The following C12orf56 variants were observed in gnomAD, a reference collection of about 807,000 sequenced individuals.
The protein encoded by C12orf56 is uncharacterized protein C12orf56.
C12orf56 carries 71 observed loss-of-function variants against 69.9 expected under a neutral mutation model. That is an observed-to-expected ratio of 1.02 (90% CI 0.84 to 1.24). C12orf56 has a LOEUF of 1.24. Among genes scored for constraint, C12orf56 ranks in the 50% most tolerant of loss-of-function variants. C12orf56 has a pLI of 0.00. For missense variants in C12orf56, 732 were observed against 738.5 expected (o/e 0.99, Z 0.10); for synonymous variants, 276 against 274.1 (o/e 1.01, Z -0.07).
At chr12:64,385,432 G>A (rs1172024755) in intron 1 of C12orf56, among the ~76,000 whole-genome samples, 1 of 152,052 alleles carries the variant, frequency 6.6e-6, no homozygotes, top group Non-Finnish European at 1.5e-5. Context: ...TTTCCCCTGA[G>A]ATAAATGTGA....
intron 4 of C12orf56, among the ~76,000 whole-genome samples, chr12:64,313,958 G>T (rs539632622): frequency 2.7e-4 from 39 of 146,000 alleles, no homozygotes; most frequent in African/African-American, 9.0e-4. Context: ...CAGGAGAATC[G>T]CTTGAACCTG....
chr12:64,277,382 A>G (rs2038065302), intron 9 of C12orf56, among the ~76,000 whole-genome samples: 1 of 152,150 alleles, frequency 6.6e-6, no homozygotes. Flanking sequence ...ACATAAACAG[A>G]TTTATCAAAT....
chr12:64,306,930 G>GA (rs1319800956), intron 5 of C12orf56, among the ~76,000 whole-genome samples: 10 of 152,096 alleles, frequency 6.6e-5, no homozygotes, highest in African/African-American at 2.4e-4. Context: ...GCTATTTCTT[G>GA]TGTATCACTG....
chr12:64,286,658 T>A (rs992531711), intron 6 of C12orf56, among the ~76,000 whole-genome samples: 13 of 152,222 alleles, frequency 8.5e-5, no homozygotes, highest in African/African-American at 3.1e-4. Context: ...AAATCAAGCA[T>A]GAAAATAAGC....
intron 1 of C12orf56, among the ~76,000 whole-genome samples, chr12:64,361,104 A>G (rs1003723839): frequency 5.3e-5 from 8 of 152,178 alleles, no homozygotes; most frequent in African/African-American, 1.9e-4. Flanking sequence ...CTGTAATCCC[A>G]TCTACTCAGG....
chr12:64,386,899 C>T (rs12372051), intron 1 of C12orf56, among the ~76,000 whole-genome samples: 5 of 139,124 alleles, frequency 3.6e-5, no homozygotes, highest in Non-Finnish European at 8.1e-5. Context: ...ACCAACATGG[C>T]GACACCCTGT....
chr12:64,346,678 C>A (rs934294067), intron 2 of C12orf56, among the ~76,000 whole-genome samples: 1 of 152,108 alleles, frequency 6.6e-6, no homozygotes, highest in Non-Finnish European at 1.5e-5. Flanking sequence ...AGTTCTAACT[C>A]TCTAATCACA....
intron 2 of C12orf56, among the ~76,000 whole-genome samples, chr12:64,342,435 G>A (rs2136886491): frequency 1.3e-5 from 2 of 152,314 alleles, no homozygotes; most frequent in East Asian, 3.9e-4. Flanking sequence ...CTGTGAACCA[G>A]GCCCTAGTCT....
intron 1 of C12orf56, among the ~76,000 whole-genome samples, chr12:64,358,890 T>C (rs1243188792): frequency 1.3e-5 from 2 of 152,162 alleles, no homozygotes; most frequent in Non-Finnish European, 2.9e-5. Context: ...CAACTTGGAC[T>C]TAAGTAAAGA....
chr12:64,373,323 G>T (rs1166337160), intron 1 of C12orf56, among the ~76,000 whole-genome samples: 1 of 152,104 alleles, frequency 6.6e-6, no homozygotes, highest in Non-Finnish European at 1.5e-5. Flanking sequence ...GGGTGTGGTG[G>T]CATGTACTTG....
intron 7 of C12orf56, 40 bp downstream of exon 7, chr12:64,285,914 C>CA (rs749297880): frequency 0.076 from 75,888 of 1,001,304 alleles, 4 homozygotes; most frequent in Non-Finnish European, 0.082. Context: ...AACACCCTAG[C>CA]AAAAAAAAAA....
At chr12:64,359,798 C>T (rs957071463) in intron 1 of C12orf56, among the ~76,000 whole-genome samples, 4 of 152,092 alleles carry the variant, frequency 2.6e-5, no homozygotes, top group Non-Finnish European at 5.9e-5. Flanking sequence ...ACTGCAACCT[C>T]CTCTTCCTGG....
intron 4 of C12orf56, 68 bp from the exon 5 acceptor site, chr12:64,312,820 G>T: frequency 1.7e-6 from 2 of 1,148,578 alleles, no homozygotes; most frequent in Non-Finnish European, 2.5e-6. Flanking sequence ...CCTACCTTTA[G>T]TCAATGTTAT....
chr12:64,309,245 T>C (rs2038574725), intron 5 of C12orf56, among the ~76,000 whole-genome samples: 1 of 152,212 alleles, frequency 6.6e-6, no homozygotes, highest in Non-Finnish European at 1.5e-5. Flanking sequence ...AACTTTTTCA[T>C]CTTTCCAAAC....
At chr12:64,310,861 C>T (rs1178555622) in intron 5 of C12orf56, among the ~76,000 whole-genome samples, 1 of 151,858 alleles carries the variant, frequency 6.6e-6, no homozygotes, top group East Asian at 1.9e-4. Context: ...AATGCTATCC[C>T]TCCCCCCTTC....
intron 2 of C12orf56, among the ~76,000 whole-genome samples, chr12:64,347,911 A>G (rs73311870): frequency 0.015 from 2,335 of 152,314 alleles, 60 homozygotes; most frequent in African/African-American, 0.053. Flanking sequence ...AAATTTGAAC[A>G]AGTTGTGGAA....
intron 3 of C12orf56, among the ~76,000 whole-genome samples, chr12:64,326,126 T>C (rs760381977): frequency 6.6e-6 from 1 of 152,088 alleles, no homozygotes; most frequent in South Asian, 2.1e-4. Flanking sequence ...TAAAAGACAA[T>C]GAGCCCTGGT....
intron 4 of C12orf56, among the ~76,000 whole-genome samples, chr12:64,314,615 A>G (rs1022554422): frequency 2.0e-5 from 3 of 151,528 alleles, no homozygotes; most frequent in Non-Finnish European, 4.4e-5. Context: ...AATTTCTCAA[A>G]TGTTGTTGAT....
intron 1 of C12orf56, among the ~76,000 whole-genome samples, chr12:64,360,665 G>A (rs1316894714): frequency 1.3e-5 from 2 of 152,144 alleles, no homozygotes; most frequent in Non-Finnish European, 2.9e-5. Context: ...TTGAAAATAA[G>A]TTAAGATTTC....
Sources: allele counts gnomAD v4.1 joint callset (sites outside exome capture counted in the v4.1 genomes callset), GRCh38; gene constraint gnomAD v4.1.1; transcripts MANE v1.5; gene names NCBI Gene and HGNC (gene_info 2026-07-23, HGNC 2026-07-21).